The following TNIK variants were observed in gnomAD, a reference collection of about 807,000 sequenced individuals.
The protein encoded by TNIK is TRAF2 and NCK-interacting protein kinase.
A neutral mutation model predicts 191.3 loss-of-function variants in TNIK; 49 were observed. That is an observed-to-expected ratio of 0.26 (90% CI 0.20 to 0.32). The LOEUF (loss-of-function observed/expected upper bound fraction) is 0.32. Among genes scored for constraint, TNIK ranks in the 10% least tolerant of loss-of-function variants. The pLI is 1.00. For missense variants in TNIK, 1,155 were observed against 1,702.3 expected (o/e 0.68, Z 5.66); for synonymous variants, 594 against 600.9 (o/e 0.99, Z 0.17).
At position 171,429,160 on chromosome 3, in the gene TNIK, A is replaced by G. The variant is rs149176830; in HGVS notation, c.57+30847T>C. Among the ~76,000 whole-genome samples, 13 of 151,890 alleles carry G rather than the reference A, an allele frequency of 8.6e-5. 1 individual carries two copies. Among genetic ancestry groups the G allele is most frequent in the African/African-American group, 3.1e-4 (13 of 41,414 alleles). On this transcript the variant is annotated intron_variant, in intron 1 of 32. Transcript: ENST00000436636. ...GAAGTTCACCAAGCCAAAACCAAAC[A>G]CTCCATCTTAACCATCCCTCCACAA...
chr3:171,217,375 C>T (rs1229612410), intron 3 of TNIK, among the ~76,000 whole-genome samples: 1 of 151,982 alleles, frequency 6.6e-6, no homozygotes, highest in African/African-American at 2.4e-5. Flanking sequence ...AAGATGAGAA[C>T]AATAGACACT....
chr3:171,125,825 C>G (rs1429585207), intron 17 of TNIK, 87 bp downstream of exon 17: 2 of 1,539,720 alleles, frequency 1.3e-6, no homozygotes, highest in African/African-American at 2.7e-5. Context: ...TGATCACATT[C>G]TCCACTACTA....
intron 1 of TNIK, among the ~76,000 whole-genome samples, chr3:171,382,318 T>C (rs183072188): frequency 6.8e-6 from 1 of 146,080 alleles, no homozygotes; most frequent in East Asian, 2.2e-4. Flanking sequence ...TCTCCCGGGC[T>C]CAAGCAATTC....
Position 171,108,106 on chromosome 3 carries a change from G to A in TNIK, c.2341C>T (p.Pro781Ser). The A allele has an allele frequency of 1.3e-6, 2 of 1,577,798 alleles. No individual in the cohort carries two copies. The highest frequency in any genetic ancestry group is 2.3e-5 in the East Asian group (1 of 43,300). The change falls in exon 20 of 33, where the codon CCA becomes TCA. Residue 781 changes from proline to serine, a missense_variant. Transcript: ENST00000436636. ...VLPHEPAKVK[P>S]EESRDITRPS... The stretch of plus-strand genomic sequence containing the variant: ...CGGGTAATGTCCCTGGATTCTTCTG[G>A]TTTCACCTTCGCAGGCTCATGGGGG...
intron 1 of TNIK, among the ~76,000 whole-genome samples, chr3:171,424,932 A>G (rs1312803081): frequency 6.6e-6 from 1 of 151,552 alleles, no homozygotes; most frequent in African/African-American, 2.4e-5. Context: ...ATGTATATAT[A>G]TGTAACAAAC....
intron 9 of TNIK, among the ~76,000 whole-genome samples, chr3:171,170,923 G>A (rs1343865636): frequency 6.6e-6 from 1 of 152,098 alleles, no homozygotes; most frequent in Non-Finnish European, 1.5e-5. Context: ...ATGGTGGCAT[G>A]CACCTGTAGT....
At chr3:171,403,009 C>A (rs1721146498) in intron 1 of TNIK, among the ~76,000 whole-genome samples, 1 of 152,234 alleles carries the variant, frequency 6.6e-6, no homozygotes, top group South Asian at 2.1e-4. Context: ...TCTCTGAAAG[C>A]TACTGAAAAA....
rs1213928371 is a variant in TNIK, at chr3:171,060,694, G to T, written c.*3187C>A. ...GACAGTGGTCTGGCTGGAACTGGCAGGGGGAAGAGCCTCATTATTTGAAGG... is the reference window on the plus strand; with the variant it reads ...GACAGTGGTCTGGCTGGAACTGGCATGGGGAAGAGCCTCATTATTTGAAGG... On this transcript the variant is annotated 3_prime_UTR_variant, in exon 33 of 33. Coordinates refer to ENST00000436636, the MANE Select transcript of TNIK (RefSeq NM_015028.4). Among the ~76,000 whole-genome samples, 2 of 152,152 alleles carry T rather than the reference G, an allele frequency of 1.3e-5. No individual in the cohort carries two copies. Among genetic ancestry groups the T allele is most frequent in the Admixed American group, 1.3e-4 (2 of 15,262 alleles).
intron 30 of TNIK, 57 bp downstream of exon 30, chr3:171,068,787 CTCTT>C: frequency 6.7e-7 from 1 of 1,496,688 alleles, no homozygotes; most frequent in East Asian, 2.4e-5. Flanking sequence ...CAAAACAAAT[CTCTT>C]TCTACATGCA....
At chr3:171,235,776 G>C (rs909361382) in intron 2 of TNIK, among the ~76,000 whole-genome samples, 1 of 151,296 alleles carries the variant, frequency 6.6e-6, no homozygotes, top group Non-Finnish European at 1.5e-5. Context: ...GGTGGGGGGG[G>C]GGTTTATAGA....
chr3:171,328,085 C>T (rs1297213833), intron 2 of TNIK, among the ~76,000 whole-genome samples: 1 of 152,064 alleles, frequency 6.6e-6, no homozygotes, highest in Non-Finnish European at 1.5e-5. Context: ...AATCCTAATT[C>T]CCAACCTGTT....
chr3:171,082,016 G>GCCTT (rs1720758683), intron 27 of TNIK, among the ~76,000 whole-genome samples: 1 of 152,148 alleles, frequency 6.6e-6, no homozygotes, highest in Non-Finnish European at 1.5e-5. Flanking sequence ...TAAATATATA[G>GCCTT]CCTTTGTGGT....
At chr3:171,173,406 A>AAAAGAAAAG (rs1553847337) in intron 9 of TNIK, among the ~76,000 whole-genome samples, 2 of 150,646 alleles carry the variant, frequency 1.3e-5, no homozygotes, top group African/African-American at 4.9e-5. Flanking sequence ...AAAAAAAAAA[A>AAAAGAAAAG]AAAAGAAAAG....
intron 2 of TNIK, among the ~76,000 whole-genome samples, chr3:171,338,414 A>G (rs572414721): frequency 1.3e-5 from 2 of 152,218 alleles, no homozygotes; most frequent in Non-Finnish European, 2.9e-5. Context: ...AAAGCCAAAC[A>G]TTAAACATTA....
chr3:171,262,068 T>C (rs1198375517), intron 2 of TNIK, among the ~76,000 whole-genome samples: 2 of 152,176 alleles, frequency 1.3e-5, no homozygotes, highest in African/African-American at 4.8e-5. Flanking sequence ...GGGAGCAAGA[T>C]AGTGACAGTG....
intron 2 of TNIK, among the ~76,000 whole-genome samples, chr3:171,230,879 T>C (rs569631742): frequency 4.0e-4 from 61 of 152,214 alleles, no homozygotes; most frequent in African/African-American, 1.4e-3. Flanking sequence ...CAGCCCAACC[T>C]TTTCCCCAAA....
At chr3:171,145,031 A>G (rs1731344781) in intron 12 of TNIK, among the ~76,000 whole-genome samples, 1 of 151,376 alleles carries the variant, frequency 6.6e-6, no homozygotes, top group Non-Finnish European at 1.5e-5. Context: ...GGTTCATTCC[A>G]TATCTGGTCT....
chr3:171,146,579 A>C (rs1018695063), intron 12 of TNIK, among the ~76,000 whole-genome samples: 1 of 152,144 alleles, frequency 6.6e-6, no homozygotes, highest in Admixed American at 6.6e-5. Flanking sequence ...CGAACACTGA[A>C]GACCACGTAG....
intron 3 of TNIK, among the ~76,000 whole-genome samples, chr3:171,222,464 T>C (rs1742471810): frequency 6.6e-6 from 1 of 152,174 alleles, no homozygotes; most frequent in South Asian, 2.1e-4. Context: ...AGCCCCTTTT[T>C]GGCCTGTGCC....
Sources: allele counts gnomAD v4.1 joint callset (sites outside exome capture counted in the v4.1 genomes callset), GRCh38; gene constraint gnomAD v4.1.1; transcripts MANE v1.5; gene names NCBI Gene and HGNC (gene_info 2026-07-23, HGNC 2026-07-21).